TNFRSF1A: variants seen among roughly 807,000 people sequenced by gnomAD.
TNFRSF1A encodes tumor necrosis factor receptor superfamily member 1A.
TNFRSF1A carries 9 observed loss-of-function variants against 41.6 expected under a neutral mutation model. The ratio of observed to expected loss-of-function variants is 0.22; its 90% confidence interval spans 0.13 to 0.38. TNFRSF1A has a LOEUF of 0.38. Ranked by LOEUF, TNFRSF1A falls within the 10% of genes least tolerant of loss-of-function variation. The probability of loss-of-function intolerance (pLI) is 1.00; values close to 1 mark genes in which losing one functional copy is unlikely to be tolerated. For missense variants in TNFRSF1A, 463 were observed against 591.5 expected (o/e 0.78, Z 2.25); for synonymous variants, 254 against 248.6 (o/e 1.02, Z -0.21).
At chr12:6,336,542 T>C (rs1217792667) in intron 1 of TNFRSF1A, among the ~76,000 whole-genome samples, 1 of 147,620 alleles carries the variant, frequency 6.8e-6, no homozygotes, top group Non-Finnish European at 1.5e-5. Flanking sequence ...CCCCTCCCCA[T>C]GCAAAGAGCC....
chr12:6,333,028 A>C lies in TNFRSF1A; in HGVS notation c.551+41T>G. The C allele has an allele frequency of 1.3e-6, 2 of 1,587,892 alleles. No individual in the cohort carries two copies. Among genetic ancestry groups the C allele is most frequent in the South Asian group, 1.1e-5 (1 of 90,446 alleles). On this transcript the variant is annotated intron_variant, in intron 5 of 9. Coordinates refer to ENST00000162749, the MANE Select transcript of TNFRSF1A (RefSeq NM_001065.4). This position sits in a 1 kb window ranked among gnomAD's most constrained non-coding sequence, Gnocchi z 6.3. ...TCCCACCAGTCACCCGTCCCAACCC[A>C]TGCCACCATCCAGTGCCCAGCAGCT...
intron 5 of TNFRSF1A, among the ~76,000 whole-genome samples, chr12:6,332,471 C>T: frequency 6.9e-6 from 1 of 145,826 alleles, no homozygotes; most frequent in East Asian, 2.0e-4. Context: ...AAAGAAAAGT[C>T]AGGCTCAGAG....
chr12:6,329,557 C>A lies in TNFRSF1A; in HGVS notation c.1123G>T (p.Val375Leu). 6.3e-7 allele frequency: 1 copy of A among 1,592,796 alleles called. No homozygotes were observed. Among genetic ancestry groups the A allele is most frequent in the Non-Finnish European group, 8.5e-7 (1 of 1,176,202 alleles). Residue 375 changes from valine (V) to leucine (L), a missense_variant, in exon 10 of 10, where the codon GTG (valine) becomes TTG (leucine). This residue lies in a region of TNFRSF1A where 277 missense variants were observed against 288.8 expected (regional missense o/e 0.96). Transcript: ENST00000162749. ...TGGTCGCTCAGCCCTAGGCGCCGCA[C>A]GAATTCCTTCCAGCGCAACGGGGGC... is the stretch of plus-strand genomic sequence containing the variant. ...NVPPLRWKEF[V>L]RRLGLSDHEI...
chr12:6,338,477 G>T (rs923508898), intron 1 of TNFRSF1A, among the ~76,000 whole-genome samples: 1 of 151,836 alleles, frequency 6.6e-6, no homozygotes, highest in Non-Finnish European at 1.5e-5. Context: ...TAACTTGCAC[G>T]CACAAGTGTG....
In TNFRSF1A at chr12:6,341,882, G is replaced by T. The variant is rs766805632; in HGVS notation, c.-68C>A. 22 of 1,580,674 alleles carry T rather than the reference G, an allele frequency of 1.4e-5. No individual in the cohort carries two copies. Among genetic ancestry groups the T allele is most frequent in the South Asian group, 3.3e-5 (3 of 90,360 alleles). Reference sequence around the variant, plus strand: ...GCAGTGTGGCAGCGGCAGTGCTGGGGCTTCCCGGGACTCGGTCTGTCCAGG... The same window carrying T: ...GCAGTGTGGCAGCGGCAGTGCTGGGTCTTCCCGGGACTCGGTCTGTCCAGG... On this transcript the variant is annotated 5_prime_UTR_variant, in exon 1 of 10. Transcript: ENST00000162749. The surrounding 1 kb of genome is among the most constrained non-coding windows in gnomAD (Gnocchi z 4.6).
rs1374429169 is a variant in TNFRSF1A at position 6,341,178 on chromosome 12, C to G, written c.39+598G>C. On this transcript the variant is annotated intron_variant, in intron 1 of 9. Coordinates refer to ENST00000162749, the MANE Select transcript of TNFRSF1A (RefSeq NM_001065.4). This position sits in a 1 kb window ranked among gnomAD's most constrained non-coding sequence, Gnocchi z 4.6. ...GTCCACTGGGTTGCCCTGCCCCATC[C>G]AGTGTCCCAGCCCATTCTCAAATAC... Among the ~76,000 whole-genome samples the G allele has an allele frequency of 1.3e-5, 2 of 152,134 alleles. No homozygotes were observed. Among genetic ancestry groups the G allele is most frequent in the Admixed American group, 6.5e-5 (1 of 15,284 alleles).
Position 6,339,007 on chromosome 12 carries a change from G to A in TNFRSF1A, c.39+2769C>T, listed in dbSNP as rs57336506. Among the ~76,000 whole-genome samples the A allele has an allele frequency of 4.9e-4, 75 of 152,214 alleles. 2 individuals are homozygous for A. In the East Asian group the frequency reaches 0.014, roughly 29 times the overall value. On this transcript the variant is annotated intron_variant, in intron 1 of 9. Coordinates refer to ENST00000162749, the MANE Select transcript of TNFRSF1A (RefSeq NM_001065.4). ...GAGAACAGCTTCTGAATAAACGAAT[G>A]AATGAATTCCTCCACCTGGAACCAT...
At position 6,329,638 on chromosome 12, in the gene TNFRSF1A, C is replaced by T. The variant is rs765248274; in HGVS notation, c.1058-16G>A. On this transcript the variant is annotated splice_polypyrimidine_tract_variant and intron_variant, in intron 9 of 9. Coordinates refer to ENST00000162749, the MANE Select transcript of TNFRSF1A (RefSeq NM_001065.4). Reference sequence around the variant, plus strand: ...GGGTCATCAGCTGCGGGGACGCGGGCCGGTGAGCCTCGGGCGGCAACCCCA... The same window carrying T: ...GGGTCATCAGCTGCGGGGACGCGGGTCGGTGAGCCTCGGGCGGCAACCCCA... The T allele has an allele frequency of 2.6e-5, 42 of 1,588,860 alleles. No individual in the cohort carries two copies. The highest frequency in any genetic ancestry group is 1.1e-5 in the South Asian group (1 of 89,336).
Position 6,341,581 on chromosome 12 carries a change from G to A in TNFRSF1A, c.39+195C>T, listed in dbSNP as rs746524532. ...ACTTCTCCCATTCCCCTGCCTCAGC[G>A]CAGCCCCTACTCCAAAAGGCGGATG... On this transcript the variant is annotated intron_variant, in intron 1 of 9. Transcript: ENST00000162749. This position sits in a 1 kb window ranked among gnomAD's most constrained non-coding sequence, Gnocchi z 4.6. Among the ~76,000 whole-genome samples the A allele has an allele frequency of 1.3e-5, 2 of 152,208 alleles. No homozygotes were observed. Among genetic ancestry groups the A allele is most frequent in the South Asian group, 2.1e-4 (1 of 4,828 alleles).
chr12:6,329,164 G>A lies in TNFRSF1A; in HGVS notation c.*148C>T, dbSNP rs543718521. ...CTGTCGGCGGCGCGCAGGCAGCTGAGAAAAGCTATGTACATCGAGGGGTTA... is the reference window on the plus strand; with the variant it reads ...CTGTCGGCGGCGCGCAGGCAGCTGAAAAAAGCTATGTACATCGAGGGGTTA... On this transcript the variant is annotated 3_prime_UTR_variant, in exon 10 of 10. Coordinates refer to ENST00000162749, the MANE Select transcript of TNFRSF1A (RefSeq NM_001065.4). The A allele has an allele frequency of 8.7e-5, 65 of 746,930 alleles. No homozygotes were observed. The East Asian group carries it at 1.9e-3, about 22-fold the overall frequency. 46.3% of individuals were successfully genotyped at this position (746,930 alleles called of 1,614,324 possible). A position where few individuals can be genotyped will look rare whatever the true frequency, so the allele number is the denominator to read the frequency against.
intron 1 of TNFRSF1A, among the ~76,000 whole-genome samples, chr12:6,339,215 T>C (rs1218063183): frequency 6.6e-6 from 1 of 152,182 alleles, no homozygotes; most frequent in African/African-American, 2.4e-5. Context: ...AGTATCCAAC[T>C]CTGCTTCCCT....
Position 6,334,049 on chromosome 12 carries a change from A to C in TNFRSF1A, c.193+42T>G. Reference sequence around the variant, plus strand: ...TGGAAGAAGCAGAGAAAGAAGCAGCACCCCAGACCTGAGGGCATTCACCGT... The same window carrying C: ...TGGAAGAAGCAGAGAAAGAAGCAGCCCCCCAGACCTGAGGGCATTCACCGT... On this transcript the variant is annotated intron_variant, in intron 2 of 9. Transcript: ENST00000162749. The surrounding 1 kb of genome is among the most constrained non-coding windows in gnomAD (Gnocchi z 5.1). The C allele has an allele frequency of 6.2e-7, 1 of 1,613,716 alleles. No individual in the cohort carries two copies. Among genetic ancestry groups the C allele is most frequent in the Non-Finnish European group, 8.5e-7 (1 of 1,179,738 alleles).
chr12:6,329,184 G>C lies in TNFRSF1A; in HGVS notation c.*128C>G, dbSNP rs201973396. 1.2e-4 allele frequency: 108 copies of C among 884,862 alleles called. 3 individuals carry two copies. In the South Asian group the frequency reaches 2.4e-3, roughly 20 times the overall value. The allele number at this position is 884,862 out of a possible 1,614,324, so 54.8% of individuals were successfully genotyped here. On this transcript the variant is annotated 3_prime_UTR_variant, in exon 10 of 10. Coordinates refer to ENST00000162749, the MANE Select transcript of TNFRSF1A (RefSeq NM_001065.4). The stretch of plus-strand genomic sequence containing the variant: ...GCTGAGAAAAGCTATGTACATCGAG[G>C]GGTTAGCACCAAGTAGGCGGCTGCT...
At chr12:6,332,433 C>CAAA (rs34324660) in intron 5 of TNFRSF1A, among the ~76,000 whole-genome samples, 21 of 39,622 alleles carry the variant, frequency 5.3e-4, no homozygotes, top group South Asian at 2.2e-3. Flanking sequence ...AACCCTGTCT[C>CAAA]AAAAAAAAAA....
intron 5 of TNFRSF1A, 45 bp from the exon 6 acceptor site, chr12:6,330,971 A>G (rs762839234): frequency 2.2e-5 from 34 of 1,536,210 alleles, no homozygotes; most frequent in Admixed American, 8.5e-5. Flanking sequence ...CTACCATTGG[A>G]GGAACACAGA....
At chr12:6,339,906 G>A (rs1467745373) in intron 1 of TNFRSF1A, among the ~76,000 whole-genome samples, 1 of 151,552 alleles carries the variant, frequency 6.6e-6, no homozygotes, top group Admixed American at 6.6e-5. Flanking sequence ...ACTGAATGGT[G>A]AGAAATTCAG....
chr12:6,329,100 G>A lies in TNFRSF1A; in HGVS notation c.*212C>T, dbSNP rs200198704. On this transcript the variant is annotated 3_prime_UTR_variant, in exon 10 of 10. Transcript: ENST00000162749. ...TCGCAAACCACCCACTCAGGCTCTT[G>A]AGCCCACGGCGCACCTCTCTCCGCG... 6 of 445,776 alleles carry A rather than the reference G, an allele frequency of 1.3e-5. No homozygotes were observed. Among genetic ancestry groups the A allele is most frequent in the Non-Finnish European group, 2.3e-5 (6 of 264,496 alleles). The allele number at this position is 445,776 out of a possible 1,614,324, so 27.6% of individuals were successfully genotyped here.
chr12:6,339,420 C>T (rs1052282022), intron 1 of TNFRSF1A, among the ~76,000 whole-genome samples: 2 of 152,216 alleles, frequency 1.3e-5, no homozygotes, highest in African/African-American at 2.4e-5. Context: ...ATACACAGCT[C>T]GTGCTCTCAA....
chr12:6,335,735 C>T (rs1339278302), intron 1 of TNFRSF1A, among the ~76,000 whole-genome samples: 1 of 152,160 alleles, frequency 6.6e-6, no homozygotes, highest in Non-Finnish European at 1.5e-5. Context: ...GAGGGTCAGG[C>T]AGCCCACAGC....
Sources: allele counts gnomAD v4.1 joint callset (sites outside exome capture counted in the v4.1 genomes callset), GRCh38; gene constraint gnomAD v4.1.1; regional missense constraint gnomAD v4.1.1; non-coding constraint Gnocchi (gnomAD v3.1); transcripts MANE v1.5; gene names NCBI Gene and HGNC (gene_info 2026-07-23, HGNC 2026-07-21).